Variants in CACNA2D1 observed in about 807,000 individuals in gnomAD.
CACNA2D1 encodes the protein voltage-dependent calcium channel subunit alpha-2/delta-1.
CACNA2D1 carries 53 observed loss-of-function variants against 171.5 expected under a neutral mutation model. That is an observed-to-expected ratio of 0.31 (90% CI 0.25 to 0.39). CACNA2D1 has a LOEUF of 0.39. CACNA2D1 is among the 10% of genes least tolerant of loss of function. The pLI, the probability that CACNA2D1 is intolerant of heterozygous loss-of-function variation, is 1.00. For synonymous variants in CACNA2D1, 442 were observed against 443.1 expected (o/e 1.00, Z 0.03); for missense variants, 903 against 1,299.8 (o/e 0.69, Z 4.69).
intron 3 of CACNA2D1, among the ~76,000 whole-genome samples, chr7:82,297,794 T>C (rs1812482593): frequency 1.3e-5 from 2 of 152,106 alleles, no homozygotes; most frequent in Middle Eastern, 3.2e-3. Flanking sequence ...GATTTTACTA[T>C]AAAACAAAAC....
chr7:82,100,146 T>TTG (rs967961861), intron 6 of CACNA2D1, among the ~76,000 whole-genome samples: 2 of 152,120 alleles, frequency 1.3e-5, no homozygotes, highest in Admixed American at 6.6e-5. Flanking sequence ...ATATAATTTT[T>TTG]TGTGTGTGTG....
intron 38 of CACNA2D1, among the ~76,000 whole-genome samples, chr7:81,958,103 GAAA>G (rs374290446): frequency 7.3e-6 from 1 of 137,056 alleles, no homozygotes; most frequent in Admixed American, 7.1e-5. Context: ...ATCTTAAAAA[GAAA>G]AAAAAAACGC....
At chr7:82,039,830 A>G (rs1446810795) in intron 10 of CACNA2D1, among the ~76,000 whole-genome samples, 1 of 152,164 alleles carries the variant, frequency 6.6e-6, no homozygotes, top group African/African-American at 2.4e-5. Flanking sequence ...AGAAAACATA[A>G]AGAGAGTGAG....
chr7:82,008,111 T>A (rs2130888697), intron 15 of CACNA2D1, among the ~76,000 whole-genome samples: 1 of 152,236 alleles, frequency 6.6e-6, no homozygotes, highest in South Asian at 2.1e-4. Context: ...TATCAGGGCC[T>A]CCATAAGCAG....
chr7:82,060,362 C>T (rs1806709953), intron 10 of CACNA2D1, 66 bp downstream of exon 10: 1 of 1,037,906 alleles, frequency 9.6e-7, no homozygotes, highest in East Asian at 2.4e-5. Flanking sequence ...GTATAAAGTA[C>T]CTAAAGTCAG....
chr7:82,131,599 TTAA>T (rs1790985648), intron 5 of CACNA2D1, among the ~76,000 whole-genome samples: 1 of 152,226 alleles, frequency 6.6e-6, no homozygotes. Context: ...ACTAAATTTA[TTAA>T]TAATGTTATC....
intron 24 of CACNA2D1, among the ~76,000 whole-genome samples, chr7:81,981,926 T>G (rs1796477984): frequency 6.6e-6 from 1 of 152,176 alleles, no homozygotes; most frequent in Non-Finnish European, 1.5e-5. Context: ...TCCATTATTA[T>G]GTTCATTCTA....
chr7:82,420,614 T>TCCAG (rs1241271292), intron 1 of CACNA2D1, among the ~76,000 whole-genome samples: 3 of 152,144 alleles, frequency 2.0e-5, no homozygotes, highest in Non-Finnish European at 4.4e-5. Context: ...AAGGTGGAAA[T>TCCAG]CCAGTTCTGT....
chr7:81,964,360 C>T lies in CACNA2D1; in HGVS notation c.2575-1G>A. 1 of 1,611,112 alleles carries T rather than the reference C, an allele frequency of 6.2e-7. No homozygotes were observed. The highest frequency in any genetic ancestry group is 8.5e-7 in the Non-Finnish European group (1 of 1,178,382). Reference sequence around the variant, plus strand: ...CAATCTCTCCAAAAAATCTTCCAATCTGGTGAAGAAAAAAATCATAAAGCA... The same window carrying T: ...CAATCTCTCCAAAAAATCTTCCAATTTGGTGAAGAAAAAAATCATAAAGCA... On this transcript the variant is annotated splice_acceptor_variant, in intron 32 of 38. Coordinates refer to ENST00000356860, the MANE Select transcript of CACNA2D1 (RefSeq NM_000722.4). LOFTEE classifies it high-confidence loss of function.
intron 4 of CACNA2D1, among the ~76,000 whole-genome samples, chr7:82,140,426 A>G (rs1792230719): frequency 6.6e-6 from 1 of 152,128 alleles, no homozygotes; most frequent in South Asian, 2.1e-4. Flanking sequence ...TAGCATATAC[A>G]TTTCATTATT....
At chr7:82,307,225 T>G (rs2129430537) in intron 3 of CACNA2D1, among the ~76,000 whole-genome samples, 1 of 152,264 alleles carries the variant, frequency 6.6e-6, no homozygotes, top group East Asian at 1.9e-4. Flanking sequence ...TGGCACCATC[T>G]CACTCACTAC....
chr7:82,141,381 A>G (rs1792362398), intron 4 of CACNA2D1, among the ~76,000 whole-genome samples: 1 of 152,054 alleles, frequency 6.6e-6, no homozygotes, highest in Admixed American at 6.6e-5. Context: ...ATTTAAAAAA[A>G]AAAATGAAGT....
At chr7:81,975,049 T>C (rs1367107425) in intron 24 of CACNA2D1, among the ~76,000 whole-genome samples, 1 of 151,970 alleles carries the variant, frequency 6.6e-6, no homozygotes, top group Non-Finnish European at 1.5e-5. Context: ...TGCCTGGAGT[T>C]ACACACATAT....
In CACNA2D1 at chr7:81,964,992, A is replaced by G. The variant is rs117926396; in HGVS notation, c.2574+602T>C. 2.6e-4 allele frequency among the ~76,000 whole-genome samples: 39 copies of G among 151,990 alleles called. No homozygotes were observed. The East Asian group carries it at 7.4e-3, about 29-fold the overall frequency. Reference sequence around the variant, plus strand: ...AAATGAGAGAGCAGGCTGGCCTAGAAAACGAACTTGTAGGGGCTGTGATGA... The same window carrying G: ...AAATGAGAGAGCAGGCTGGCCTAGAGAACGAACTTGTAGGGGCTGTGATGA... On this transcript the variant is annotated intron_variant, in intron 32 of 38. Transcript: ENST00000356860.
intron 3 of CACNA2D1, among the ~76,000 whole-genome samples, chr7:82,331,241 A>G (rs1817267202): frequency 6.6e-6 from 1 of 152,108 alleles, no homozygotes; most frequent in African/African-American, 2.4e-5. Flanking sequence ...ATAAAGCCTA[A>G]CTGGTATTAA....
At chr7:81,977,919 G>T (rs1796021168) in intron 24 of CACNA2D1, among the ~76,000 whole-genome samples, 1 of 152,136 alleles carries the variant, frequency 6.6e-6, no homozygotes, top group Admixed American at 6.5e-5. Flanking sequence ...ATCAAAAAGT[G>T]GGCAAAGGAT....
At position 81,949,537 on chromosome 7, in the gene CACNA2D1, A is replaced by G. The variant is rs1257780591; in HGVS notation, c.*855T>C. On this transcript the variant is annotated 3_prime_UTR_variant, in exon 39 of 39. Coordinates refer to ENST00000356860, the MANE Select transcript of CACNA2D1 (RefSeq NM_000722.4). ...ACCAAAGTTCATTTATCACAAGAAA[A>G]ACATTTCCCCCTCCCCCCTGACAAG... 2.0e-5 allele frequency: 3 copies of G among 152,068 alleles called. No individual in the cohort carries two copies. The highest frequency in any genetic ancestry group is 1.3e-4 in the Admixed American group (2 of 15,238). 9.4% of individuals were successfully genotyped at this position (152,068 alleles called of 1,614,324 possible). A position where few individuals can be genotyped will look rare whatever the true frequency, so the allele number is the denominator to read the frequency against.
At chr7:82,052,823 T>C (rs1258069714) in intron 10 of CACNA2D1, among the ~76,000 whole-genome samples, 1 of 152,182 alleles carries the variant, frequency 6.6e-6, no homozygotes, top group Non-Finnish European at 1.5e-5. Flanking sequence ...GTTCTTTCTC[T>C]TTTCTTGGAA....
At chr7:82,030,421 A>G (rs1802540761) in intron 12 of CACNA2D1, among the ~76,000 whole-genome samples, 1 of 151,598 alleles carries the variant, frequency 6.6e-6, no homozygotes, top group African/African-American at 2.4e-5. Context: ...AAAAAAAACA[A>G]AAAACACCAC....
Sources: allele counts gnomAD v4.1 joint callset (sites outside exome capture counted in the v4.1 genomes callset), GRCh38; gene constraint gnomAD v4.1.1; transcripts MANE v1.5; gene names NCBI Gene and HGNC (gene_info 2026-07-23, HGNC 2026-07-21).